Variants in PTPRG observed in about 807,000 individuals in gnomAD.
The protein encoded by PTPRG is receptor-type tyrosine-protein phosphatase gamma.
Under a neutral mutation model 165.3 loss-of-function variants are expected in PTPRG, and 102 were observed. The observed-to-expected ratio is 0.62, with a 90% CI of 0.53 to 0.73. PTPRG has a LOEUF of 0.73. Among genes scored for constraint, PTPRG ranks in the 30% least tolerant of loss-of-function variants. PTPRG has a pLI of 0.00. For missense variants in PTPRG, 1,866 were observed against 1,861.4 expected, an observed-to-expected ratio of 1.00 and a Z score of -0.05; for synonymous variants, 675 against 669.5, an observed-to-expected ratio of 1.01 and a Z score of -0.13.
chr3:62,001,999 ATTGGCACAAGAAACACTTACTT>A (rs1346165050), intron 3 of PTPRG, among the ~76,000 whole-genome samples: 2 of 152,242 alleles, frequency 1.3e-5, no homozygotes, highest in Non-Finnish European at 2.9e-5. Flanking sequence ...AGCATGTTTA[ATTGGCACAAGAAACACTTACTT>A]TTACTTCATT....
chr3:62,068,779 G>T (rs973442980), intron 4 of PTPRG, among the ~76,000 whole-genome samples: 4 of 152,158 alleles, frequency 2.6e-5, no homozygotes, highest in Non-Finnish European at 5.9e-5. Flanking sequence ...CATAGCCCTA[G>T]TGTGCACCTT....
In PTPRG at chr3:62,067,592, C is replaced by T. The variant is rs191910878; in HGVS notation, c.520-10571C>T. Among the ~76,000 whole-genome samples, 36 of 152,178 alleles carry T rather than the reference C, an allele frequency of 2.4e-4. No individual in the cohort carries two copies. In the South Asian group the frequency reaches 6.0e-3, roughly 26 times the overall value. On this transcript the variant is annotated intron_variant, in intron 4 of 29. Coordinates refer to ENST00000474889, the MANE Select transcript of PTPRG (RefSeq NM_002841.4). The stretch of plus-strand genomic sequence containing the variant: ...ATGTAGAATCAGTGGGAGCCCTGAG[C>T]GTGTTTTCTTGCAAGTAGATGGTCC...
At chr3:61,988,166 C>G (rs913788090) in intron 2 of PTPRG, among the ~76,000 whole-genome samples, 4 of 152,138 alleles carry the variant, frequency 2.6e-5, no homozygotes, top group Non-Finnish European at 5.9e-5. Context: ...TAATCTTACT[C>G]TTTGGGATGA....
At chr3:61,846,579 A>G (rs1339139293) in intron 2 of PTPRG, among the ~76,000 whole-genome samples, 1 of 152,214 alleles carries the variant, frequency 6.6e-6, no homozygotes, top group Non-Finnish European at 1.5e-5. Context: ...TTGCCACAGT[A>G]CCTAGAACAC....
intron 2 of PTPRG, among the ~76,000 whole-genome samples, chr3:61,830,021 T>A (rs1168346303): frequency 6.6e-6 from 1 of 152,246 alleles, no homozygotes; most frequent in East Asian, 1.9e-4. Flanking sequence ...GAGAAACCTT[T>A]GCATGTGGTG....
chr3:62,105,753 A>T lies in PTPRG; in HGVS notation c.616-26849A>T, dbSNP rs536536428. Reference sequence around the variant, plus strand: ...ATCACAGATTCTATAGTTTTTAGAGATACCATGGAGTCTTTGAGGTATAAT... The same window carrying T: ...ATCACAGATTCTATAGTTTTTAGAGTTACCATGGAGTCTTTGAGGTATAAT... On this transcript the variant is annotated intron_variant, in intron 5 of 29. Transcript: ENST00000474889. Among the ~76,000 whole-genome samples the T allele has an allele frequency of 1.1e-4, 16 of 152,300 alleles. No homozygotes were observed. The South Asian group carries it at 3.3e-3, about 32-fold the overall frequency.
intron 3 of PTPRG, among the ~76,000 whole-genome samples, chr3:61,994,032 C>T (rs1575861830): frequency 6.6e-6 from 1 of 152,196 alleles, no homozygotes; most frequent in African/African-American, 2.4e-5. Flanking sequence ...TCTAAAATAT[C>T]TTCACAAGAC....
At chr3:62,120,665 C>T (rs1703032051) in intron 5 of PTPRG, among the ~76,000 whole-genome samples, 1 of 151,428 alleles carries the variant, frequency 6.6e-6, no homozygotes, top group African/African-American at 2.4e-5. Flanking sequence ...GCAGGAGAAT[C>T]GCTTGAACCC....
At chr3:62,206,912 CAAAAAAAAAAAAAAAA>C (rs556974355) in intron 12 of PTPRG, among the ~76,000 whole-genome samples, 2,920 of 37,346 alleles carry the variant, frequency 0.078, 67 homozygotes, top group Non-Finnish European at 0.12. Flanking sequence ...GACTCTGTCT[CAAAAAAAAAAAAAAAA>C]AAAAAAAAAA....
intron 26 of PTPRG, among the ~76,000 whole-genome samples, chr3:62,281,094 C>T (rs577405373): frequency 1.2e-4 from 18 of 152,134 alleles, no homozygotes; most frequent in East Asian, 5.8e-4. Context: ...ATGTATCCAA[C>T]ATCATACTGA....
intron 5 of PTPRG, among the ~76,000 whole-genome samples, chr3:62,080,109 C>G (rs1177411116): frequency 1.4e-5 from 2 of 145,258 alleles, no homozygotes; most frequent in Non-Finnish European, 3.0e-5. Context: ...CTTGTTATGC[C>G]CAGGCTGGAG....
At chr3:61,608,278 C>T (rs570720304) in intron 1 of PTPRG, among the ~76,000 whole-genome samples, 1 of 152,288 alleles carries the variant, frequency 6.6e-6, no homozygotes, top group African/African-American at 2.4e-5. Context: ...AGAAGCTGAG[C>T]CACTAGGGAG....
intron 5 of PTPRG, chr3:62,124,174 G>T: frequency 1.4e-6 from 1 of 730,674 alleles, no homozygotes; most frequent in Admixed American, 2.2e-5. Flanking sequence ...TGTCGTTGTT[G>T]TGCAAAGAAA....
intron 8 of PTPRG, among the ~76,000 whole-genome samples, chr3:62,191,212 G>A (rs549862900): frequency 1.3e-5 from 2 of 151,570 alleles, no homozygotes; most frequent in East Asian, 2.0e-4. Flanking sequence ...TTTGTGTCCC[G>A]TGCACGTGTG....
intron 2 of PTPRG, chr3:61,926,005 G>T (rs2039200209): frequency 2.2e-6 from 1 of 457,370 alleles, no homozygotes; most frequent in South Asian, 1.5e-5. Context: ...TGTTAGAATG[G>T]CAGAACCTCA....
At chr3:61,666,302 CAG>C (rs1702812693) in intron 1 of PTPRG, among the ~76,000 whole-genome samples, 1 of 152,256 alleles carries the variant, frequency 6.6e-6, no homozygotes. Flanking sequence ...CTGGGCTTGA[CAG>C]AGATGGGAAC....
chr3:61,859,853 G>A (rs371196966), intron 2 of PTPRG, among the ~76,000 whole-genome samples: 5 of 151,832 alleles, frequency 3.3e-5, no homozygotes, highest in African/African-American at 4.8e-5. Flanking sequence ...TTTTTCTTCC[G>A]CATTACAACA....
At chr3:62,046,849 G>A (rs551931928) in intron 4 of PTPRG, among the ~76,000 whole-genome samples, 27 of 152,166 alleles carry the variant, frequency 1.8e-4, no homozygotes, top group Middle Eastern at 3.2e-3. Context: ...TGCAGTATGC[G>A]TGGAGAAAAG....
chr3:61,580,944 CT>C (rs1414260169), intron 1 of PTPRG, among the ~76,000 whole-genome samples: 4 of 152,302 alleles, frequency 2.6e-5, no homozygotes, highest in Middle Eastern at 3.4e-3. Flanking sequence ...GAAGTAATGT[CT>C]TGATGGAGAG....
Sources: gnomAD v4.1 joint callset for allele counts (sites outside exome capture counted in the v4.1 genomes callset) on GRCh38, gnomAD v4.1.1 for gene constraint, MANE v1.5 for transcripts, NCBI Gene and HGNC (gene_info 2026-07-23, HGNC 2026-07-21) for gene names.